DCAF8L2: variants seen among roughly 807,000 people sequenced by gnomAD.
DCAF8L2 encodes the protein DDB1- and CUL4-associated factor 8-like protein 2.
For missense variants in DCAF8L2, 430 were observed against 490.7 expected (o/e 0.88, Z 1.17); for synonymous variants, 200 against 190.9 (o/e 1.05, Z -0.39).
intron 1 of DCAF8L2, among the ~76,000 whole-genome samples, chrX:27,602,194 C>T (rs749500447): frequency 9.0e-6 from 1 of 110,947 alleles, no homozygotes; most frequent in African/African-American, 3.3e-5. Flanking sequence ...CACCACCAGG[C>T]CCAGCTAATT....
At chrX:27,627,073 CAA>C (rs766269451) in intron 1 of DCAF8L2, among the ~76,000 whole-genome samples, 6 of 30,669 alleles carry the variant, frequency 2.0e-4, no homozygotes, top group Non-Finnish European at 3.4e-4. Context: ...ATGTTAAGAC[CAA>C]AAAAAAAAAA....
chrX:27,602,969 C>T (rs1926718577), intron 1 of DCAF8L2, among the ~76,000 whole-genome samples: 1 of 111,702 alleles, frequency 9.0e-6, no homozygotes, highest in African/African-American at 3.2e-5. Context: ...TGCTAATGTG[C>T]AAAATAATTT....
intron 3 of DCAF8L2, among the ~76,000 whole-genome samples, chrX:27,707,336 A>AT (rs1217596782): frequency 8.9e-6 from 1 of 111,977 alleles, no homozygotes; most frequent in Non-Finnish European, 1.9e-5. Flanking sequence ...GTTTTTAGGG[A>AT]TGAAGTTTCC....
chrX:27,746,636 T>G (rs753714820), intron 4 of DCAF8L2, among the ~76,000 whole-genome samples: 1 of 111,852 alleles, frequency 8.9e-6, no homozygotes, highest in Non-Finnish European at 1.9e-5. Context: ...GCTCTGGGCC[T>G]GGAAAAACTA....
chrX:27,671,055 G>C (rs897014123), intron 2 of DCAF8L2, among the ~76,000 whole-genome samples: 2 of 111,692 alleles, frequency 1.8e-5, no homozygotes, highest in Non-Finnish European at 3.8e-5. Flanking sequence ...AACACACTGG[G>C]GAGGGGGTGG....
chrX:27,748,177 G>A lies in DCAF8L2; in HGVS notation c.1282G>A (p.Val428Ile), dbSNP rs759260989. The change falls in exon 5 of 5, where the codon GTT becomes ATT. Residue 428 changes from valine to isoleucine, a missense_variant. Physicochemically the swap from Val to Ile is conservative, Grantham distance 29 (BLOSUM62 3). Transcript: ENST00000451261. ...NCDFPTNITC[V>I]VYSHDGTELL... is the part of the protein sequence containing the mutation. ...TGATTTCCCAACAAACATCACCTGCGTTGTGTACAGCCACGATGGCACAGA... is the reference window on the plus strand; with the variant it reads ...TGATTTCCCAACAAACATCACCTGCATTGTGTACAGCCACGATGGCACAGA... 2.6e-5 allele frequency: 31 copies of A among 1,210,410 alleles called. No individual in the cohort carries two copies. Among genetic ancestry groups the A allele is most frequent in the Admixed American group, 1.1e-4 (5 of 45,813 alleles).
At chrX:27,694,253 C>G (rs1334150693) in intron 3 of DCAF8L2, among the ~76,000 whole-genome samples, 1 of 111,272 alleles carries the variant, frequency 9.0e-6, no homozygotes, top group Non-Finnish European at 1.9e-5. Context: ...AAACCACTTA[C>G]TGCTCACTAC....
At chrX:27,474,335 T>C in the DCAF8L2 span, among the ~76,000 whole-genome samples, 1 of 112,166 alleles carries the variant, frequency 8.9e-6, no homozygotes, top group East Asian at 2.8e-4. Context: ...ATCTCTACAT[T>C]TGCATCCATA....
chrX:27,652,692 T>C (rs144085656), intron 2 of DCAF8L2, among the ~76,000 whole-genome samples: 1,508 of 112,131 alleles, frequency 0.013, 23 homozygotes, highest in African/African-American at 0.046. Context: ...AACCCACTTC[T>C]GATATGAAAT....
At chrX:27,606,091 T>G (rs1405193216) in intron 1 of DCAF8L2, among the ~76,000 whole-genome samples, 26 of 104,534 alleles carry the variant, frequency 2.5e-4, no homozygotes, top group African/African-American at 5.6e-4. Context: ...TTTTTTTTTT[T>G]GGGAAGAGCC....
intron 4 of DCAF8L2, among the ~76,000 whole-genome samples, chrX:27,729,110 A>G (rs777011350): frequency 3.6e-5 from 4 of 111,980 alleles, no homozygotes; most frequent in Admixed American, 2.9e-4. Context: ...AGGTTAAAAA[A>G]TAGGTGGAAT....
chrX:27,662,543 G>A (rs1020107980), intron 2 of DCAF8L2, among the ~76,000 whole-genome samples: 3 of 111,367 alleles, frequency 2.7e-5, no homozygotes, highest in African/African-American at 9.8e-5. Flanking sequence ...CATTAAATAT[G>A]TTCTACAACA....
intron 2 of DCAF8L2, among the ~76,000 whole-genome samples, chrX:27,637,984 A>G (rs1167177842): frequency 8.9e-6 from 1 of 111,868 alleles, no homozygotes; most frequent in African/African-American, 3.2e-5. Flanking sequence ...ATTTATTGGG[A>G]AAAAAATGGA....
intron 2 of DCAF8L2, among the ~76,000 whole-genome samples, chrX:27,634,806 G>A (rs1928429233): frequency 9.0e-6 from 1 of 110,903 alleles, no homozygotes; most frequent in African/African-American, 3.3e-5. Context: ...TGTGTATAAA[G>A]TGTATATTAA....
the DCAF8L2 span, among the ~76,000 whole-genome samples, chrX:27,477,934 T>C: frequency 8.9e-6 from 1 of 111,785 alleles, no homozygotes; most frequent in Non-Finnish European, 1.9e-5. Context: ...TATGGATTGT[T>C]AGCTCATCAA....
chrX:27,639,164 T>G (rs945650639), intron 2 of DCAF8L2, among the ~76,000 whole-genome samples: 3 of 111,936 alleles, frequency 2.7e-5, no homozygotes, highest in African/African-American at 9.7e-5. Context: ...GAAGATCATG[T>G]TAAGTGAAAT....
At chrX:27,708,169 T>TA (rs1340816084) in intron 3 of DCAF8L2, among the ~76,000 whole-genome samples, 4 of 111,481 alleles carry the variant, frequency 3.6e-5, no homozygotes, top group Non-Finnish European at 7.5e-5. Flanking sequence ...CTTCCCTCTC[T>TA]AATAGTTACC....
At chrX:27,690,409 A>G (rs185555949) in intron 3 of DCAF8L2, among the ~76,000 whole-genome samples, 1 of 111,790 alleles carries the variant, frequency 8.9e-6, no homozygotes, top group Admixed American at 9.5e-5. Flanking sequence ...GTGATGATCT[A>G]CAGAATGCAT....
chrX:27,597,371 A>G (rs757330312), intron 1 of DCAF8L2, among the ~76,000 whole-genome samples: 3 of 111,384 alleles, frequency 2.7e-5, no homozygotes, highest in Non-Finnish European at 5.6e-5. Context: ...TCTTTTGAGC[A>G]TCGGTTTCAC....
Sources: gnomAD v4.1 joint callset for allele counts (sites outside exome capture counted in the v4.1 genomes callset) on GRCh38, gnomAD v4.1.1 for gene constraint, MANE v1.5 for transcripts, NCBI Gene and HGNC (gene_info 2026-07-23, HGNC 2026-07-21) for gene names.